ROBO1: variants seen among roughly 807,000 people sequenced by gnomAD.
The protein encoded by ROBO1 is roundabout guidance receptor 1, also known as roundabout homolog 1.
A neutral mutation model predicts 195.9 loss-of-function variants in ROBO1; 149 were observed. That is an observed-to-expected ratio of 0.76 (90% CI 0.67 to 0.87). The LOEUF (loss-of-function observed/expected upper bound fraction) is 0.87. Among genes scored for constraint, ROBO1 ranks in the 40% least tolerant of loss-of-function variants. The pLI, the probability that ROBO1 is intolerant of heterozygous loss-of-function variation, is 0.00. For missense variants in ROBO1, 1,933 were observed against 2,068.3 expected (o/e 0.93, Z 1.27); for synonymous variants, 816 against 733.2 (o/e 1.11, Z -1.82).
chr3:79,216,301 G>A (rs547526533), intron 2 of ROBO1, among the ~76,000 whole-genome samples: 1 of 152,080 alleles, frequency 6.6e-6, no homozygotes, highest in South Asian at 2.1e-4. Flanking sequence ...TATGCTTCAG[G>A]GCTAGGAAGA....
intron 3 of ROBO1, among the ~76,000 whole-genome samples, chr3:79,059,646 C>G (rs1369172832): frequency 2.6e-5 from 4 of 151,978 alleles, no homozygotes; most frequent in African/African-American, 9.7e-5. Context: ...TTATGCCTGT[C>G]TTTACTGCAA....
chr3:78,873,823 TTA>T (rs1408070634), intron 4 of ROBO1, among the ~76,000 whole-genome samples: 1 of 152,102 alleles, frequency 6.6e-6, no homozygotes, highest in Non-Finnish European at 1.5e-5. Context: ...GCTGGAAAGT[TTA>T]CACTTCAATT....
intron 4 of ROBO1, among the ~76,000 whole-genome samples, chr3:78,841,240 C>T (rs1196251622): frequency 1.3e-5 from 2 of 152,048 alleles, no homozygotes; most frequent in African/African-American, 2.4e-5. Context: ...TTACTGTCAA[C>T]TCTCAATTAT....
chr3:78,994,380 A>T (rs1319300438), intron 3 of ROBO1, among the ~76,000 whole-genome samples: 1 of 152,108 alleles, frequency 6.6e-6, no homozygotes, highest in East Asian at 1.9e-4. Context: ...AAAAAGGGCA[A>T]TTTTCTCCTC....
intron 2 of ROBO1, among the ~76,000 whole-genome samples, chr3:79,302,292 A>G (rs780094365): frequency 2.6e-5 from 4 of 152,232 alleles, no homozygotes; most frequent in Non-Finnish European, 5.9e-5. Context: ...AGAAATGAGA[A>G]TGATATTCTC....
intron 3 of ROBO1, among the ~76,000 whole-genome samples, chr3:79,010,099 G>A (rs554549956): frequency 5.3e-5 from 8 of 152,216 alleles, no homozygotes; most frequent in Middle Eastern, 6.8e-3. Context: ...ACAGTAAGAT[G>A]TAACATAAAA....
At chr3:78,860,326 A>ATATATATATATATATTTTT (rs376853384) in intron 4 of ROBO1, among the ~76,000 whole-genome samples, 12 of 93,518 alleles carry the variant, frequency 1.3e-4, no homozygotes, top group African/African-American at 5.0e-4. Context: ...ATATATATAT[A>ATATATATATATATATTTTT]TTTTTTTTTT....
At chr3:78,860,692 C>T (rs545912109) in intron 4 of ROBO1, among the ~76,000 whole-genome samples, 2 of 152,236 alleles carry the variant, frequency 1.3e-5, no homozygotes, top group South Asian at 4.1e-4. Flanking sequence ...TTCGGCTCCA[C>T]CAGAGGTACA....
At chr3:78,793,000 T>C (rs1422378269) in intron 4 of ROBO1, among the ~76,000 whole-genome samples, 1 of 151,854 alleles carries the variant, frequency 6.6e-6, no homozygotes, top group East Asian at 1.9e-4. Context: ...TGGTCCCAAG[T>C]AGTCCCAGCT....
At chr3:79,691,328 CAAG>C (rs1275967423) in intron 1 of ROBO1, among the ~76,000 whole-genome samples, 3 of 151,714 alleles carry the variant, frequency 2.0e-5, no homozygotes, top group South Asian at 4.2e-4. Context: ...GAAGAAAAAG[CAAG>C]AAGACTAACT....
At chr3:78,652,295 T>C (rs1033795714) in intron 18 of ROBO1, among the ~76,000 whole-genome samples, 1 of 152,154 alleles carries the variant, frequency 6.6e-6, no homozygotes, top group Non-Finnish European at 1.5e-5. Context: ...TGAAGTACTT[T>C]AATACACACA....
chr3:79,460,164 T>A (rs1937583234), intron 2 of ROBO1, among the ~76,000 whole-genome samples: 1 of 152,180 alleles, frequency 6.6e-6, no homozygotes, highest in Admixed American at 6.5e-5. Context: ...TTAAACGAAG[T>A]GCCTGGTTAG....
intron 8 of ROBO1, among the ~76,000 whole-genome samples, chr3:78,695,410 AG>A (rs1327628626): frequency 2.6e-5 from 4 of 151,994 alleles, no homozygotes; most frequent in Non-Finnish European, 4.4e-5. Flanking sequence ...CGGATCATGA[AG>A]TCAGGAGATC....
chr3:78,877,088 C>T (rs2035897803), intron 4 of ROBO1, among the ~76,000 whole-genome samples: 1 of 151,808 alleles, frequency 6.6e-6, no homozygotes, highest in South Asian at 2.1e-4. Context: ...CATGTAGTAG[C>T]CAGTGAATAC....
intron 2 of ROBO1, among the ~76,000 whole-genome samples, chr3:79,454,707 T>C (rs1559911383): frequency 6.6e-6 from 1 of 152,160 alleles, no homozygotes; most frequent in Non-Finnish European, 1.5e-5. Flanking sequence ...CTTTCACTTA[T>C]TCAATTCTCT....
At chr3:79,623,933 A>G (rs1945088722) in intron 1 of ROBO1, among the ~76,000 whole-genome samples, 1 of 152,202 alleles carries the variant, frequency 6.6e-6, no homozygotes, top group South Asian at 2.1e-4. Context: ...AAAAATGTTA[A>G]GGGCAGCCAG....
chr3:79,018,589 G>A, intron 3 of ROBO1: 2 of 1,496,214 alleles, frequency 1.3e-6, no homozygotes, highest in African/African-American at 2.8e-5. Flanking sequence ...AATTAGCCAA[G>A]AGTTTTCAGG....
chr3:79,628,354 G>A (rs1945241311), intron 1 of ROBO1, among the ~76,000 whole-genome samples: 1 of 152,130 alleles, frequency 6.6e-6, no homozygotes, highest in Non-Finnish European at 1.5e-5. Flanking sequence ...GAAGCTGGAA[G>A]CCATAATCCT....
chr3:79,257,972 A>G (rs1469664927), intron 2 of ROBO1, among the ~76,000 whole-genome samples: 4 of 152,014 alleles, frequency 2.6e-5, no homozygotes, highest in Non-Finnish European at 5.9e-5. Context: ...TAAAGCTATA[A>G]CCCAAATTCC....
Sources: gnomAD v4.1 joint callset for allele counts (sites outside exome capture counted in the v4.1 genomes callset) on GRCh38, gnomAD v4.1.1 for gene constraint, MANE v1.5 for transcripts, NCBI Gene and HGNC (gene_info 2026-07-23, HGNC 2026-07-21) for gene names.